The following HHAT variants were observed in gnomAD, a reference collection of about 807,000 sequenced individuals.
HHAT encodes protein-cysteine N-palmitoyltransferase HHAT.
In HHAT, 47 loss-of-function variants were observed where a neutral mutation model predicts 70.8. That is an observed-to-expected ratio of 0.66 (90% CI 0.53 to 0.85). The LOEUF is 0.85. Among genes scored for constraint, HHAT ranks in the 40% least tolerant of loss-of-function variants. The pLI is 0.00. For missense variants in HHAT, 609 were observed against 604.8 expected, an observed-to-expected ratio of 1.01 and a Z score of -0.07; for synonymous variants, 228 against 247.6, an observed-to-expected ratio of 0.92 and a Z score of 0.74.
chr1:210,622,213 C>T (rs1022471764), intron 10 of HHAT, among the ~76,000 whole-genome samples: 9 of 152,154 alleles, frequency 5.9e-5, no homozygotes, highest in Non-Finnish European at 1.0e-4. Flanking sequence ...GTAATTGGAA[C>T]GCAGCTGAAA....
intron 11 of HHAT, among the ~76,000 whole-genome samples, chr1:210,662,708 A>T (rs950145502): frequency 2.1e-5 from 3 of 145,400 alleles, no homozygotes; most frequent in Non-Finnish European, 4.6e-5. Context: ...TCAGAATAAG[A>T]AAAAGTGGCT....
At chr1:210,433,879 G>C (rs556814469) in intron 7 of HHAT, among the ~76,000 whole-genome samples, 1 of 151,970 alleles carries the variant, frequency 6.6e-6, no homozygotes, top group African/African-American at 2.4e-5. Flanking sequence ...CCTGGGCAGG[G>C]CATTGGGCTG....
chr1:210,360,918 T>A (rs2088237312), intron 2 of HHAT, among the ~76,000 whole-genome samples: 1 of 151,770 alleles, frequency 6.6e-6, no homozygotes, highest in African/African-American at 2.4e-5. Context: ...CGTGTTCTAT[T>A]TCTGTTGGAC....
At position 210,474,957 on chromosome 1, in the gene HHAT, C is replaced by G. The variant is rs111498650; in HGVS notation, c.1007+10302C>G. Among the ~76,000 whole-genome samples the G allele has an allele frequency of 9.0e-3, 1,365 of 151,974 alleles. 29 individuals are homozygous for G. The highest frequency in any genetic ancestry group is 0.031 in the African/African-American group (1,298 of 41,452). ...CCTCAACTTCCCAGGCTCAAGTGAT[C>G]ATCCTGCCTCAGTCCCCCAAGTAGT... On this transcript the variant is annotated intron_variant, in intron 8 of 11. Transcript: ENST00000261458.
At chr1:210,667,407 T>C (rs1679146668) in intron 11 of HHAT, among the ~76,000 whole-genome samples, 1 of 151,266 alleles carries the variant, frequency 6.6e-6, no homozygotes, top group Admixed American at 6.6e-5. Flanking sequence ...AATAAATAAA[T>C]AATTATTTTT....
chr1:210,373,125 T>C (rs2089724661), intron 3 of HHAT, among the ~76,000 whole-genome samples: 1 of 152,196 alleles, frequency 6.6e-6, no homozygotes, highest in African/African-American at 2.4e-5. Flanking sequence ...ATACTTTCAA[T>C]GTTAAGAACT....
At position 210,601,970 on chromosome 1, in the gene HHAT, A is replaced by T. The variant is rs72751404; in HGVS notation, c.1245+13871A>T. ...GAGAGAGAGAGAGTATGTGTGTGAG[A>T]GTGTGTGTGTGTGTGTATGTGTGCA... On this transcript the variant is annotated intron_variant, in intron 10 of 11. Transcript: ENST00000261458. Among the ~76,000 whole-genome samples the T allele has an allele frequency of 1.0e-4, 15 of 149,478 alleles. No homozygotes were observed. The South Asian group carries it at 1.9e-3, about 19-fold the overall frequency.
intron 10 of HHAT, among the ~76,000 whole-genome samples, chr1:210,597,970 A>G (rs555271087): frequency 5.7e-4 from 86 of 151,608 alleles, no homozygotes; most frequent in African/African-American, 2.0e-3. Context: ...AGTCATACCA[A>G]AAGCCCACAG....
chr1:210,564,307 C>T (rs1257917127), intron 9 of HHAT, among the ~76,000 whole-genome samples: 1 of 151,956 alleles, frequency 6.6e-6, no homozygotes, highest in Non-Finnish European at 1.5e-5. Flanking sequence ...AGTGTGAGCA[C>T]GTAGAAGTTA....
intron 11 of HHAT, among the ~76,000 whole-genome samples, chr1:210,656,553 G>C (rs1300553576): frequency 1.3e-5 from 2 of 152,200 alleles, no homozygotes; most frequent in African/African-American, 4.8e-5. Flanking sequence ...TCCTGCAGGG[G>C]AAGTGGGTCA....
chr1:210,396,231 A>G (rs1170540036), intron 4 of HHAT, among the ~76,000 whole-genome samples: 1 of 152,174 alleles, frequency 6.6e-6, no homozygotes, highest in Non-Finnish European at 1.5e-5. Context: ...CCTATTAGAA[A>G]TGGAAGAACC....
intron 7 of HHAT, among the ~76,000 whole-genome samples, chr1:210,432,992 C>T: frequency 6.6e-6 from 1 of 151,728 alleles, no homozygotes; most frequent in East Asian, 1.9e-4. Flanking sequence ...GGCTCTCATT[C>T]CACTAAGGCC....
chr1:210,395,949 C>A (rs945135525), intron 4 of HHAT, among the ~76,000 whole-genome samples: 2 of 152,132 alleles, frequency 1.3e-5, no homozygotes, highest in African/African-American at 4.8e-5. Context: ...GCTTACATTA[C>A]TGTAATCTAA....
At chr1:210,503,215 C>T (rs1020271593) in intron 8 of HHAT, among the ~76,000 whole-genome samples, 2 of 152,164 alleles carry the variant, frequency 1.3e-5, no homozygotes, top group African/African-American at 4.8e-5. Context: ...CCACTTTGGC[C>T]TTCCAAAGTG....
chr1:210,636,006 C>T (rs926104904), intron 11 of HHAT, among the ~76,000 whole-genome samples: 1 of 152,200 alleles, frequency 6.6e-6, no homozygotes, highest in Non-Finnish European at 1.5e-5. Context: ...TTTCCTTAAA[C>T]ATCAATAAGC....
intron 10 of HHAT, among the ~76,000 whole-genome samples, chr1:210,609,357 C>T (rs1476513793): frequency 2.0e-5 from 3 of 151,986 alleles, no homozygotes; most frequent in African/African-American, 7.2e-5. Flanking sequence ...AAAGTTTACT[C>T]ATTTTATTTT....
At position 210,464,462 on chromosome 1, in the gene HHAT, G is replaced by T. The variant is rs772163063; in HGVS notation, c.857-43G>T. On this transcript the variant is annotated intron_variant, in intron 7 of 11. Coordinates refer to ENST00000261458, the MANE Select transcript of HHAT (RefSeq NM_018194.6). ...TGTTGGTCTCCTCCAGGAAACTGCT[G>T]TGATTCTCTTCCATGTGTCTGACTG... The T allele has an allele frequency of 2.5e-6, 4 of 1,611,796 alleles. No homozygotes were observed. In the East Asian group the frequency reaches 8.9e-5, roughly 36 times the overall value.
chr1:210,533,327 CTG>C (rs2095334749), intron 9 of HHAT, among the ~76,000 whole-genome samples: 1 of 78,268 alleles, frequency 1.3e-5, no homozygotes, highest in South Asian at 6.5e-4. Flanking sequence ...TCTTTGGGGA[CTG>C]TCAACTCCAA....
chr1:210,534,181 A>G (rs2095345882), intron 9 of HHAT, among the ~76,000 whole-genome samples: 1 of 152,150 alleles, frequency 6.6e-6, no homozygotes, highest in African/African-American at 2.4e-5. Flanking sequence ...GCAGGCACCT[A>G]TGGTCTGTGA....
Sources: allele counts gnomAD v4.1 joint callset (sites outside exome capture counted in the v4.1 genomes callset), GRCh38; gene constraint gnomAD v4.1.1; transcripts MANE v1.5; gene names NCBI Gene and HGNC (gene_info 2026-07-23, HGNC 2026-07-21).